The following ESPL1 variants were observed in gnomAD, a reference collection of about 807,000 sequenced individuals.
The protein encoded by ESPL1 is separin.
Under a neutral mutation model 217.2 loss-of-function variants are expected in ESPL1, and 50 were observed. That is an observed-to-expected ratio of 0.23 (90% CI 0.18 to 0.29). The LOEUF (loss-of-function observed/expected upper bound fraction) is 0.29. ESPL1 is among the 10% of genes least tolerant of loss of function. The pLI, the probability that ESPL1 is intolerant of heterozygous loss-of-function variation, is 1.00. For synonymous variants in ESPL1, 994 were observed against 1,081.3 expected, an observed-to-expected ratio of 0.92 and a Z score of 1.58; for missense variants, 1,834 against 2,603.0, an observed-to-expected ratio of 0.70 and a Z score of 6.43.
chr12:53,272,939 T>C, intron 6 of ESPL1, 82 bp downstream of exon 6: 1 of 1,449,018 alleles, frequency 6.9e-7, no homozygotes, highest in South Asian at 1.2e-5. Context: ...ACCAGCACCC[T>C]GCCTTGGAGT....
rs559514824 is a variant in ESPL1 at position 53,287,925 on chromosome 12, T to C, written c.4177-47T>C. On this transcript the variant is annotated intron_variant, in intron 18 of 30. Coordinates refer to ENST00000257934, the MANE Select transcript of ESPL1 (RefSeq NM_012291.5). ...CGCCACCTGCTGTCACAAGGTGTCT[T>C]GTCACTGAAGACCTCTTAGCCCTTC... 18 of 1,521,586 alleles carry C rather than the reference T, an allele frequency of 1.2e-5. No individual in the cohort carries two copies. In the South Asian group the frequency reaches 2.3e-4, roughly 20 times the overall value. 94.3% of individuals were successfully genotyped at this position (1,521,586 alleles called of 1,614,324 possible).
At position 53,282,457 on chromosome 12, in the gene ESPL1, C is replaced by A; in HGVS notation, c.2791+22C>A. 6.2e-7 allele frequency: 1 copy of A among 1,608,936 alleles called. No individual in the cohort carries two copies. Among genetic ancestry groups the A allele is most frequent in the Non-Finnish European group, 8.5e-7 (1 of 1,175,882 alleles). On this transcript the variant is annotated intron_variant, in intron 14 of 30. Transcript: ENST00000257934. This position sits in a 1 kb window ranked among gnomAD's most constrained non-coding sequence, Gnocchi z 4.0. ...CAAGGTGAAAGAATAGGGTGGATGG[C>A]CCCCCTTGGATGACATGTATGGTCT...
At chr12:53,283,356 T>C (rs376859912) in intron 15 of ESPL1, 26 bp from the exon 16 acceptor site, 21 of 1,613,472 alleles carry the variant, frequency 1.3e-5, no homozygotes, top group Non-Finnish European at 1.7e-5. Flanking sequence ...GGCTGAGTGA[T>C]GGTGGTCTTG....
chr12:53,288,500 G>A, intron 19 of ESPL1, 38 bp from the exon 20 acceptor site: 1 of 1,583,306 alleles, frequency 6.3e-7, no homozygotes, highest in Non-Finnish European at 8.6e-7. Flanking sequence ...AATGGCAGGG[G>A]GAGGGAGCAC....
intron 3 of ESPL1, 78 bp from the exon 4 acceptor site, chr12:53,270,300 C>A: frequency 1.8e-6 from 2 of 1,130,262 alleles, no homozygotes; most frequent in South Asian, 1.2e-5. Flanking sequence ...GTCAGCTCTC[C>A]AGGACTCCGG....
Position 53,276,648 on chromosome 12 carries a change from G to A in ESPL1, c.1729G>A (p.Asp577Asn). The stretch of plus-strand genomic sequence containing the variant: ...TCTGCGAGACAGCCTCAGTGGCTGG[G>A]ACCCGGAGACCCTGGCCCTCCTGCT... ...KTLRDSLSGW[D>N]PETLALLLRE... is the part of the protein sequence containing the mutation. The change falls in exon 8 of 31, where the codon GAC (aspartate) becomes AAC (asparagine). Residue 577 changes from aspartate to asparagine, a missense_variant. Physicochemically the swap from Asp to Asn is conservative, Grantham distance 23. Transcript: ENST00000257934. 6.2e-7 allele frequency: 1 copy of A among 1,612,302 alleles called. No homozygotes were observed.
rs1592483169 is a variant in ESPL1 at position 53,277,067 on chromosome 12, C to T, written c.1941-16C>T. On this transcript the variant is annotated splice_polypyrimidine_tract_variant and intron_variant, in intron 8 of 30. Coordinates refer to ENST00000257934, the MANE Select transcript of ESPL1 (RefSeq NM_012291.5). The stretch of plus-strand genomic sequence containing the variant: ...ACTCATAGTAGGCCCAGCTTAAGCA[C>T]ATCTTCTCCCTGCAGCTCTGCTCTG... 3 of 1,609,692 alleles carry T rather than the reference C, an allele frequency of 1.9e-6. No individual in the cohort carries two copies. The highest frequency in any genetic ancestry group is 4.5e-5 in the East Asian group (2 of 44,720).
chr12:53,292,502 T>C lies in ESPL1; in HGVS notation c.5913-72T>C, dbSNP rs1317379192. On this transcript the variant is annotated intron_variant, in intron 28 of 30. Coordinates refer to ENST00000257934, the MANE Select transcript of ESPL1 (RefSeq NM_012291.5). The surrounding 1 kb of genome is among the most constrained non-coding windows in gnomAD (Gnocchi z 4.5). ...TTGCAGCCCACCTTCTATCTAATGA[T>C]CCCTCTGCTGTCTTTGCCACCTGAC... 1.4e-6 allele frequency: 2 copies of C among 1,415,676 alleles called. No homozygotes were observed. Among genetic ancestry groups the C allele is most frequent in the Non-Finnish European group, 1.0e-6 (1 of 1,000,800 alleles). 87.7% of individuals were successfully genotyped at this position (1,415,676 alleles called of 1,614,324 possible). A position where few individuals can be genotyped will look rare whatever the true frequency, so the allele number is the denominator to read the frequency against.
intron 8 of ESPL1, 100 bp downstream of exon 8, chr12:53,276,959 T>A: frequency 6.4e-7 from 1 of 1,555,226 alleles, no homozygotes; most frequent in East Asian, 2.3e-5. Flanking sequence ...GAGCTCTCCC[T>A]TCATCTTGTG....
chr12:53,268,531 G>T (rs933702575), intron 1 of ESPL1, 154 bp downstream of exon 1: 1 of 531,340 alleles, frequency 1.9e-6, no homozygotes, highest in Non-Finnish European at 3.4e-6. Flanking sequence ...CGAGGCCTCT[G>T]GGGTAGCGCG....
At chr12:53,281,262 C>A (rs780396710) in intron 12 of ESPL1, among the ~76,000 whole-genome samples, 2 of 151,324 alleles carry the variant, frequency 1.3e-5, no homozygotes, top group African/African-American at 4.9e-5. Context: ...CTCAGCCTCC[C>A]GAGTAGCTGG....
In ESPL1 at chr12:53,269,150, C is replaced by A; in HGVS notation, c.208C>A (p.His70Asn). 1 of 1,614,204 alleles carries A rather than the reference C, an allele frequency of 6.2e-7. No homozygotes were observed. Among genetic ancestry groups the A allele is most frequent in the Non-Finnish European group, 8.5e-7 (1 of 1,180,038 alleles). ...QLTAKLACPR[H>N]LGSLLELAEL... Reference sequence around the variant, plus strand: ...GACTGCTAAGCTAGCTTGCCCTAGGCATCTGGGGAGCCTGCTGGAGCTGGC... The same window carrying A: ...GACTGCTAAGCTAGCTTGCCCTAGGAATCTGGGGAGCCTGCTGGAGCTGGC... Residue 70 changes from histidine (H) to asparagine (N), a missense_variant, in exon 3 of 31, where the codon CAT (histidine) becomes AAT (asparagine). Around this residue, in one of 5 missense-constraint regions of ESPL1, gnomAD observed 746 missense variants for 1,077.0 expected, o/e 0.69. Transcript: ENST00000257934. This position sits in a 1 kb window ranked among gnomAD's most constrained non-coding sequence, Gnocchi z 6.7.
chr12:53,277,973 G>T lies in ESPL1; in HGVS notation c.2364+13G>T, dbSNP rs1468048721. The T allele has an allele frequency of 6.2e-7, 1 of 1,611,696 alleles. No homozygotes were observed. Among genetic ancestry groups the T allele is most frequent in the Non-Finnish European group, 8.5e-7 (1 of 1,179,224 alleles). The stretch of plus-strand genomic sequence containing the variant: ...GCTGGTGGCAAAGGTAATGGGGTGG[G>T]GCATTGAGGGGGACCCATATAAACA... On this transcript the variant is annotated intron_variant, in intron 11 of 30. Coordinates refer to ENST00000257934, the MANE Select transcript of ESPL1 (RefSeq NM_012291.5).
chr12:53,288,122 G>A lies in ESPL1; in HGVS notation c.4327G>A (p.Gly1443Ser). 1.2e-6 allele frequency: 2 copies of A among 1,613,724 alleles called. No individual in the cohort carries two copies. The highest frequency in any genetic ancestry group is 1.7e-4 in the Middle Eastern group (1 of 5,938). Residue 1443 changes from glycine (G) to serine (S), a missense_variant, in exon 19 of 31, where the codon GGT becomes AGT. This residue lies in a region of ESPL1 where 681 missense variants were observed against 808.0 expected (regional missense o/e 0.84). Transcript: ENST00000257934. ...AAAGACGGATGCCGTGGTTGCCCCA[G>A]GTAGTGCCCCTGGGAACCCTGGCCT... ...SLKTDAVVAP[G>S]SAPGNPGLNG...
In ESPL1 at chr12:53,286,999, G is replaced by C; in HGVS notation, c.4176+87G>C. The C allele has an allele frequency of 1.5e-6, 2 of 1,307,092 alleles. No individual in the cohort carries two copies. Among genetic ancestry groups the C allele is most frequent in the Non-Finnish European group, 2.1e-6 (2 of 950,764 alleles). 81.0% of individuals were successfully genotyped at this position (1,307,092 alleles called of 1,614,324 possible). On this transcript the variant is annotated intron_variant, in intron 18 of 30. Transcript: ENST00000257934. The surrounding 1 kb of genome is among the most constrained non-coding windows in gnomAD (Gnocchi z 5.3). ...AGTGTTTTATAGAGCAGGTGTCCCT[G>C]TGGAATAGCTCCCCAGGGCCTAGTG...
intron 5 of ESPL1, among the ~76,000 whole-genome samples, chr12:53,272,457 G>A (rs1943692968): frequency 6.6e-6 from 1 of 152,110 alleles, no homozygotes; most frequent in South Asian, 2.1e-4. Context: ...GAACATCCCT[G>A]GCAGAAGAAA....
In ESPL1 at chr12:53,270,499, A is replaced by G. The variant is rs1382849170; in HGVS notation, c.1248+17A>G. 1 of 1,597,220 alleles carries G rather than the reference A, an allele frequency of 6.3e-7. No homozygotes were observed. Among genetic ancestry groups the G allele is most frequent in the Non-Finnish European group, 8.6e-7 (1 of 1,164,780 alleles). On this transcript the variant is annotated intron_variant, in intron 4 of 30. Transcript: ENST00000257934. ...GGCTGTCAGGTACTGTCTGGGAATCAAGGTACCTGGACTAGGCTCATAGGG... is the reference window on the plus strand; with the variant it reads ...GGCTGTCAGGTACTGTCTGGGAATCGAGGTACCTGGACTAGGCTCATAGGG...
In ESPL1 at chr12:53,285,952, C is replaced by A; in HGVS notation, c.3216C>A (p.Asp1072Glu). Residue 1072 changes from aspartate (D) to glutamate (E), a missense_variant, in exon 18 of 31, where the codon GAC (aspartate) becomes GAA (glutamate). Asp to Glu is a conservative substitution (Grantham distance 45). This residue lies in a region of ESPL1 where 681 missense variants were observed against 808.0 expected (regional missense o/e 0.84). Coordinates refer to ENST00000257934, the MANE Select transcript of ESPL1 (RefSeq NM_012291.5). ...TTGGTGGGGTGACTCAGCACCTGGA[C>A]TCTGTGAAGAAGGTCCACCTGCAGA... ...TEFGGVTQHL[D>E]SVKKVHLQKG... is the part of the protein sequence containing the mutation. 2 of 1,545,920 alleles carry A rather than the reference C, an allele frequency of 1.3e-6. No individual in the cohort carries two copies. The highest frequency in any genetic ancestry group is 1.2e-5 in the South Asian group (1 of 82,378).
rs1490954479 is a variant in ESPL1, at chr12:53,281,538, A to G, written c.2531A>G (p.Lys844Arg). ...LHLEEAASSL[K>R]HLDQTTDTYL... ...CTGGAAGAGGCAGCATCGAGCCTGAAGCATCTCGATCAGACTACTGACACA... is the reference window on the plus strand; with the variant it reads ...CTGGAAGAGGCAGCATCGAGCCTGAGGCATCTCGATCAGACTACTGACACA... The change falls in exon 13 of 31, where the codon AAG becomes AGG. Residue 844 changes from lysine (K) to arginine (R), a missense_variant. Lys to Arg is a conservative substitution (Grantham distance 26). Coordinates refer to ENST00000257934, the MANE Select transcript of ESPL1 (RefSeq NM_012291.5). 5.6e-6 allele frequency: 9 copies of G among 1,613,658 alleles called. No homozygotes were observed. In the South Asian group the frequency reaches 8.8e-5, roughly 16 times the overall value.
Sources: allele counts gnomAD v4.1 joint callset (sites outside exome capture counted in the v4.1 genomes callset), GRCh38; gene constraint gnomAD v4.1.1; regional missense constraint gnomAD v4.1.1; non-coding constraint Gnocchi (gnomAD v3.1); transcripts MANE v1.5; gene names NCBI Gene and HGNC (gene_info 2026-07-23, HGNC 2026-07-21).